Variants in SVIL observed in about 807,000 individuals in gnomAD.
SVIL encodes supervillin, also known as archvillin.
A neutral mutation model predicts 240.4 loss-of-function variants in SVIL; 101 were observed. The observed-to-expected ratio is 0.42, with a 90% confidence interval of 0.36 to 0.50. The LOEUF is 0.50. SVIL is among the 20% of genes least tolerant of loss of function. SVIL has a pLI of 0.01. For missense variants in SVIL, 2,512 were observed against 2,818.7 expected (o/e 0.89, Z 2.46); for synonymous variants, 999 against 1,100.0 (o/e 0.91, Z 1.82).
intron 1 of SVIL, among the ~76,000 whole-genome samples, chr10:29,699,313 T>C (rs759450548): frequency 6.6e-6 from 1 of 151,546 alleles, no homozygotes; most frequent in Non-Finnish European, 1.5e-5. Flanking sequence ...TGCTTGTGTT[T>C]TGTTTTTTTG....
In SVIL at chr10:29,558,597, A is replaced by C. The variant is rs56745114; in HGVS notation, c.-50-3489T>G. ...GTCTGTACTAACATGTAATATAATT[A>C]ATGTGTATTATATTACATATCTGTT... On this transcript the variant is annotated intron_variant, in intron 3 of 37. Transcript: ENST00000355867. 6.6e-3 allele frequency among the ~76,000 whole-genome samples: 1,006 copies of C among 152,072 alleles called. 10 individuals carry two copies. Among genetic ancestry groups the C allele is most frequent in the African/African-American group, 0.023 (942 of 41,498 alleles).
chr10:29,475,925 T>C (rs1946145280), intron 29 of SVIL, among the ~76,000 whole-genome samples: 1 of 152,252 alleles, frequency 6.6e-6, no homozygotes, highest in Admixed American at 6.5e-5. Flanking sequence ...TAGGGGGTCA[T>C]ATTTATTTGA....
rs1198781848 is a variant in SVIL at position 29,525,260 on chromosome 10, C to T, written c.2343-545G>A. ...AGCATTTACTCTCATAGGTTCCTAC[C>T]AGTTTTCTAAAAGGTACTTAAATCT... On this transcript the variant is annotated intron_variant, in intron 13 of 37. Coordinates refer to ENST00000355867, the MANE Select transcript of SVIL (RefSeq NM_021738.3). Among the ~76,000 whole-genome samples, 4 of 152,254 alleles carry T rather than the reference C, an allele frequency of 2.6e-5. No individual in the cohort carries two copies. The East Asian group carries it at 5.8e-4, about 22-fold the overall frequency.
chr10:29,491,534 T>G (rs1440229977), intron 21 of SVIL, among the ~76,000 whole-genome samples: 1 of 152,180 alleles, frequency 6.6e-6, no homozygotes, highest in Non-Finnish European at 1.5e-5. Flanking sequence ...AGCTTCCACT[T>G]AACGCACTGC....
chr10:29,710,244 G>A (rs2132665639), intron 1 of SVIL, among the ~76,000 whole-genome samples: 1 of 152,222 alleles, frequency 6.6e-6, no homozygotes, highest in African/African-American at 2.4e-5. Context: ...CGTAGAGACA[G>A]GGTTTCACTA....
intron 6 of SVIL, among the ~76,000 whole-genome samples, chr10:29,541,166 G>A (rs926827152): frequency 6.6e-6 from 1 of 152,122 alleles, no homozygotes; most frequent in Non-Finnish European, 1.5e-5. Context: ...ATTTCATGAA[G>A]TCTTCCTAAA....
chr10:29,554,756 A>T (rs749530508), intron 5 of SVIL, 27 bp downstream of exon 5: 2 of 1,513,472 alleles, frequency 1.3e-6, no homozygotes, highest in Non-Finnish European at 1.8e-6. Context: ...GCCTGCTGGA[A>T]AATGGGCCAC....
At chr10:29,470,121 A>C (rs1945384844) in intron 32 of SVIL, among the ~76,000 whole-genome samples, 155 bp downstream of exon 32, 1 of 152,092 alleles carries the variant, frequency 6.6e-6, no homozygotes, top group Non-Finnish European at 1.5e-5. Flanking sequence ...CTCTGCTCGG[A>C]ATGTCAGAGG....
chr10:29,462,466 T>C, intron 35 of SVIL, 65 bp from the exon 36 acceptor site: 3 of 1,563,606 alleles, frequency 1.9e-6, no homozygotes, highest in Non-Finnish European at 8.6e-7. Flanking sequence ...CTGATTTCCC[T>C]TGAAATCTTT....
In SVIL at chr10:29,473,948, C is replaced by T. The variant is rs140359734; in HGVS notation, c.5419G>A (p.Gly1807Ser). The change falls in exon 30 of 38, where the codon GGC (glycine) becomes AGC (serine). Residue 1807 changes from glycine to serine, a missense_variant. By Grantham distance (56) the Gly-to-Ser change is moderately conservative. Transcript: ENST00000355867. The part of the protein sequence containing the change: ...QKGEHSVRAA[G>S]KEKCVYFFWQ... ...AAGAAGTAGACGCACTTCTCTTTGCCGGCTGCCCTCACCGAGTGCTCTCCC... is the reference window on the plus strand; with the variant it reads ...AAGAAGTAGACGCACTTCTCTTTGCTGGCTGCCCTCACCGAGTGCTCTCCC... 9.4e-5 allele frequency: 152 copies of T among 1,613,866 alleles called. No homozygotes were observed. The highest frequency in any genetic ancestry group is 5.7e-4 in the South Asian group (52 of 91,068).
At chr10:29,505,690 C>T (rs1369269640) in intron 17 of SVIL, among the ~76,000 whole-genome samples, 3 of 152,114 alleles carry the variant, frequency 2.0e-5, no homozygotes, top group South Asian at 2.1e-4. Flanking sequence ...GGGATAATGA[C>T]GCGTCAACGT....
At chr10:29,474,150 C>A (rs1213668767) in intron 29 of SVIL, among the ~76,000 whole-genome samples, 161 bp from the exon 30 acceptor site, 1 of 152,152 alleles carries the variant, frequency 6.6e-6, no homozygotes, top group African/African-American at 2.4e-5. Flanking sequence ...AGGCTGGTCA[C>A]GCCCAGGAGA....
In SVIL at chr10:29,465,339, C is replaced by T. The variant is rs1241587840; in HGVS notation, c.6133+256G>A. ...CCAGGCCTGCCGCTGTGGTGCTCAA[C>T]CTGTTCTTAGCTGACGTCTTTGGGT... On this transcript the variant is annotated intron_variant, in intron 34 of 37. Transcript: ENST00000355867. 2.0e-5 allele frequency among the ~76,000 whole-genome samples: 3 copies of T among 152,156 alleles called. No homozygotes were observed. The South Asian group carries it at 6.2e-4, about 32-fold the overall frequency.
At chr10:29,466,042 T>C (rs191871130) in intron 33 of SVIL, among the ~76,000 whole-genome samples, 69 of 152,170 alleles carry the variant, frequency 4.5e-4, no homozygotes, top group African/African-American at 1.6e-3. Flanking sequence ...GTTAATATCC[T>C]TAATACATGA....
At chr10:29,678,199 T>A (rs939996774) in intron 2 of SVIL, among the ~76,000 whole-genome samples, 10 of 151,948 alleles carry the variant, frequency 6.6e-5, no homozygotes, top group African/African-American at 2.4e-4. Context: ...TATTATTACA[T>A]TGTAATATAT....
chr10:29,490,717 C>T (rs2132398239), intron 22 of SVIL, 130 bp downstream of exon 22: 1 of 1,130,472 alleles, frequency 8.8e-7, no homozygotes, highest in East Asian at 2.5e-5. Flanking sequence ...CAAACTTACT[C>T]CTTTTTACTT....
chr10:29,480,713 C>A lies in SVIL; in HGVS notation c.5201G>T (p.Arg1734Leu). The A allele has an allele frequency of 6.2e-7, 1 of 1,614,172 alleles. No individual in the cohort carries two copies. Among genetic ancestry groups the A allele is most frequent in the Non-Finnish European group, 8.5e-7 (1 of 1,180,024 alleles). Residue 1734 changes from arginine to leucine, a missense_variant, in exon 29 of 38, where the codon CGT (arginine) becomes CTT (leucine). Around this residue, in one of 3 missense-constraint regions of SVIL, gnomAD observed 797 missense variants for 925.3 expected, o/e 0.86. Coordinates refer to ENST00000355867, the MANE Select transcript of SVIL (RefSeq NM_021738.3). The stretch of plus-strand genomic sequence containing the variant: ...GTGTCCTTCCACCAGGCCATAGCCA[C>A]GGCCGACGTTCACTCCGTCCAGGAT... Reference protein sequence around the residue: ...GTILDGVNVGRGYGLVEGHDR... With the variant: ...GTILDGVNVGLGYGLVEGHDR...
At chr10:29,622,579 A>G (rs1957703616) in intron 1 of SVIL, among the ~76,000 whole-genome samples, 1 of 152,190 alleles carries the variant, frequency 6.6e-6, no homozygotes, top group Non-Finnish European at 1.5e-5. Flanking sequence ...ACACAGAAAG[A>G]TCTAATCATG....
In SVIL at chr10:29,731,493, A is replaced by G. The variant is rs1404467113; in HGVS notation, c.-400+4258T>C. ...GTAACTTTTATGCATTTCATGCAAT[A>G]GAAAAATGTATAGAATTAAATCTGA... On this transcript the variant is annotated intron_variant, in intron 1 of 35. Coordinates refer to the SVIL transcript ENST00000375400. Among the ~76,000 whole-genome samples the G allele has an allele frequency of 2.6e-5, 4 of 152,250 alleles. No individual in the cohort carries two copies. The East Asian group carries it at 7.7e-4, about 29-fold the overall frequency.
Sources: allele counts gnomAD v4.1 joint callset (sites outside exome capture counted in the v4.1 genomes callset), GRCh38; gene constraint gnomAD v4.1.1; regional missense constraint gnomAD v4.1.1; transcripts MANE v1.5; gene names NCBI Gene and HGNC (gene_info 2026-07-23, HGNC 2026-07-21).